FRMD4B: variants seen among roughly 807,000 people sequenced by gnomAD.
FRMD4B encodes the protein FERM domain containing 4B.
Under a neutral mutation model 141.5 loss-of-function variants are expected in FRMD4B, and 74 were observed. The observed-to-expected ratio is 0.52, with a 90% CI of 0.43 to 0.63. FRMD4B has a LOEUF of 0.63. Among genes scored for constraint, FRMD4B ranks in the 30% least tolerant of loss-of-function variants. FRMD4B has a pLI of 0.00. For missense variants in FRMD4B, 1,366 were observed against 1,253.4 expected, an observed-to-expected ratio of 1.09 and a Z score of -1.36; for synonymous variants, 506 against 467.9, an observed-to-expected ratio of 1.08 and a Z score of -1.05.
chr3:69,364,840 T>C (rs897184949), intron 1 of FRMD4B, among the ~76,000 whole-genome samples: 1 of 151,624 alleles, frequency 6.6e-6, no homozygotes, highest in East Asian at 1.9e-4. Flanking sequence ...CAGCATTCTG[T>C]TCTCCTACCC....
intron 1 of FRMD4B, among the ~76,000 whole-genome samples, chr3:69,465,303 G>A (rs1479778590): frequency 6.9e-6 from 1 of 145,016 alleles, no homozygotes; most frequent in East Asian, 2.1e-4. Context: ...CTGGGTAACA[G>A]AGCGAGGCTC....
chr3:69,523,742 A>G (rs72937447), intron 1 of FRMD4B, among the ~76,000 whole-genome samples: 6,515 of 152,194 alleles, frequency 0.043, 395 homozygotes, highest in African/African-American at 0.13. Flanking sequence ...GAATGGGAGA[A>G]ATGGATGTCA....
At position 69,290,663 on chromosome 3, in the gene FRMD4B, C is replaced by T. The variant is rs147652481; in HGVS notation, c.417-2827G>A. ...GCAGCAGGATCCCAGCTAACATTTC[C>T]CTGAGCTCTTACTGAGGTGCCTGCA... is the stretch of plus-strand genomic sequence containing the variant. On this transcript the variant is annotated intron_variant, in intron 4 of 22. Transcript: ENST00000398540. Among the ~76,000 whole-genome samples the T allele has an allele frequency of 3.0e-3, 463 of 152,268 alleles. 4 individuals carry two copies. The highest frequency in any genetic ancestry group is 0.011 in the African/African-American group (442 of 41,546).
chr3:69,194,881 T>C, intron 16 of FRMD4B, 141 bp downstream of exon 16: 6 of 636,900 alleles, frequency 9.4e-6, no homozygotes, highest in Non-Finnish European at 1.5e-5. Flanking sequence ...AAAGAAAGAG[T>C]TCAATTTGGT....
intron 11 of FRMD4B, among the ~76,000 whole-genome samples, chr3:69,199,678 T>G (rs2092947302): frequency 6.6e-6 from 1 of 152,206 alleles, no homozygotes; most frequent in East Asian, 1.9e-4. Flanking sequence ...CTCCAGTTTT[T>G]GAACATAGCT....
chr3:69,320,247 A>T (rs1441895235), intron 1 of FRMD4B, among the ~76,000 whole-genome samples: 1 of 152,210 alleles, frequency 6.6e-6, no homozygotes, highest in East Asian at 1.9e-4. Flanking sequence ...AAAAATTATA[A>T]CAACAAACAG....
At chr3:69,431,082 T>A (rs758097520) in intron 2 of FRMD4B, among the ~76,000 whole-genome samples, 3 of 152,134 alleles carry the variant, frequency 2.0e-5, no homozygotes, top group Non-Finnish European at 4.4e-5. Context: ...AAATCGCTGC[T>A]TGTGTTTTAG....
intron 2 of FRMD4B, among the ~76,000 whole-genome samples, chr3:69,421,380 C>T (rs1704976303): frequency 6.6e-6 from 1 of 152,174 alleles, no homozygotes; most frequent in South Asian, 2.1e-4. Flanking sequence ...CCAACAGAGG[C>T]CAGGCAGGCA....
chr3:69,489,791 GA>G (rs1379060535), intron 1 of FRMD4B, among the ~76,000 whole-genome samples: 1 of 152,164 alleles, frequency 6.6e-6, no homozygotes, highest in Admixed American at 6.6e-5. Context: ...GATGTTCACA[GA>G]AGCATTTTTC....
intron 4 of FRMD4B, among the ~76,000 whole-genome samples, chr3:69,300,469 G>C (rs775031140): frequency 1.3e-5 from 2 of 152,182 alleles, no homozygotes; most frequent in Non-Finnish European, 2.9e-5. Flanking sequence ...GGAATTTCAG[G>C]AACCTGCTTG....
chr3:69,349,792 T>C (rs1014652810), intron 1 of FRMD4B, among the ~76,000 whole-genome samples: 7 of 152,166 alleles, frequency 4.6e-5, no homozygotes, highest in African/African-American at 1.7e-4. Flanking sequence ...TGAAATTGGA[T>C]CCCTTCCTTA....
At chr3:69,530,557 T>C (rs1047690526) in intron 1 of FRMD4B, among the ~76,000 whole-genome samples, 2 of 140,964 alleles carry the variant, frequency 1.4e-5, no homozygotes, top group Non-Finnish European at 3.1e-5. Context: ...ATAAAACCTC[T>C]TTTTTTTTTT....
chr3:69,318,359 A>G (rs537208533), intron 1 of FRMD4B, among the ~76,000 whole-genome samples: 2 of 152,336 alleles, frequency 1.3e-5, no homozygotes, highest in East Asian at 3.9e-4. Flanking sequence ...GTTCCAAAGC[A>G]TAGACTCTCC....
chr3:69,430,510 T>C (rs2106833447), intron 2 of FRMD4B, among the ~76,000 whole-genome samples: 1 of 152,322 alleles, frequency 6.6e-6, no homozygotes, highest in South Asian at 2.1e-4. Flanking sequence ...AGATCCTGTC[T>C]TTCTCATTCA....
At chr3:69,355,194 T>A (rs1172949713) in intron 1 of FRMD4B, among the ~76,000 whole-genome samples, 1 of 152,096 alleles carries the variant, frequency 6.6e-6, no homozygotes, top group Admixed American at 6.6e-5. Context: ...CACATGCACA[T>A]GAAGAAGCTG....
upstream of FRMD4B, chr3:69,386,112 C>T (rs983901327): frequency 1.9e-5 from 17 of 901,968 alleles, no homozygotes; most frequent in Non-Finnish European, 2.7e-5. Context: ...TCAAGCCTGC[C>T]ACCAAACTCG....
intron 1 of FRMD4B, among the ~76,000 whole-genome samples, chr3:69,488,355 G>C (rs1995179): frequency 0.61 from 92,802 of 152,040 alleles, 28,988 homozygotes; most frequent in African/African-American, 0.74. Flanking sequence ...GCTTGGCTCT[G>C]TGAAGGCTTC....
intron 1 of FRMD4B, among the ~76,000 whole-genome samples, chr3:69,313,978 A>G (rs1318175372): frequency 6.8e-6 from 1 of 147,978 alleles, no homozygotes; most frequent in Non-Finnish European, 1.5e-5. Flanking sequence ...TCTCTACTAA[A>G]AATACAAAAA....
chr3:69,291,542 G>A (rs1700875225), intron 4 of FRMD4B, among the ~76,000 whole-genome samples: 1 of 152,098 alleles, frequency 6.6e-6, no homozygotes, highest in African/African-American at 2.4e-5. Context: ...ACCTGCTTGG[G>A]GGACACTGGG....
Sources: allele counts gnomAD v4.1 joint callset (sites outside exome capture counted in the v4.1 genomes callset), GRCh38; gene constraint gnomAD v4.1.1; transcripts MANE v1.5; gene names NCBI Gene and HGNC (gene_info 2026-07-23, HGNC 2026-07-21).